The following RBFOX1 variants were observed in gnomAD, a reference collection of about 807,000 sequenced individuals.
The protein encoded by RBFOX1 is RNA binding protein fox-1 homolog 1.
A neutral mutation model predicts 57.7 loss-of-function variants in RBFOX1; 8 were observed. That is an observed-to-expected ratio of 0.14 (90% CI 0.08 to 0.25). The LOEUF (loss-of-function observed/expected upper bound fraction) is 0.25. Ranked by LOEUF, RBFOX1 falls within the 10% of genes least tolerant of loss-of-function variation. RBFOX1 has a pLI of 1.00. For missense variants in RBFOX1, 611 were observed against 548.5 expected (o/e 1.11, Z -1.14); for synonymous variants, 326 against 222.4 (o/e 1.47, Z -4.15).
intron 1 of RBFOX1, among the ~76,000 whole-genome samples, chr16:5,309,470 A>G (rs2064025072): frequency 6.6e-6 from 1 of 152,210 alleles, no homozygotes; most frequent in African/African-American, 2.4e-5. Flanking sequence ...ATGCCATGCC[A>G]TGCTTTTTAA....
chr16:7,224,599 G>A (rs1371729536), intron 4 of RBFOX1, among the ~76,000 whole-genome samples: 1 of 152,192 alleles, frequency 6.6e-6, no homozygotes, highest in Non-Finnish European at 1.5e-5. Context: ...AGTTGGGCGT[G>A]TAGTGGGGTG....
At chr16:6,016,587 C>T (rs939074920), upstream of RBFOX1, among the ~76,000 whole-genome samples, 1 of 152,160 alleles carries the variant, frequency 6.6e-6, no homozygotes, top group Non-Finnish European at 1.5e-5. Flanking sequence ...AAGCACAAGG[C>T]TACAAAGTCC....
intron 3 of RBFOX1, among the ~76,000 whole-genome samples, chr16:7,038,098 C>T (rs1438512717): frequency 6.6e-6 from 1 of 152,192 alleles, no homozygotes; most frequent in South Asian, 2.1e-4. Context: ...CCTCCACACT[C>T]TTTCCCACCT....
chr16:7,178,549 A>G (rs895855826), intron 4 of RBFOX1, among the ~76,000 whole-genome samples: 1 of 152,194 alleles, frequency 6.6e-6, no homozygotes, highest in Admixed American at 6.5e-5. Context: ...CAAAGAACCT[A>G]TCTGCATGGT....
At chr16:6,821,705 G>C (rs1025260642) in intron 3 of RBFOX1, among the ~76,000 whole-genome samples, 1 of 152,170 alleles carries the variant, frequency 6.6e-6, no homozygotes, top group Non-Finnish European at 1.5e-5. Context: ...ATGATAGCCT[G>C]TATCAGTGCT....
At chr16:6,093,898 A>C (rs1025099451) in intron 1 of RBFOX1, among the ~76,000 whole-genome samples, 3 of 151,970 alleles carry the variant, frequency 2.0e-5, no homozygotes, top group Non-Finnish European at 4.4e-5. Flanking sequence ...GAGATTACAG[A>C]CTGGAGCCCC....
At chr16:5,713,287 G>T (rs1460633032) in intron 3 of RBFOX1, among the ~76,000 whole-genome samples, 1 of 152,158 alleles carries the variant, frequency 6.6e-6, no homozygotes, top group African/African-American at 2.4e-5. Context: ...ACCTTTGAGC[G>T]ATGAGGGAGA....
intron 4 of RBFOX1, among the ~76,000 whole-genome samples, chr16:5,894,325 C>T (rs1438617661): frequency 6.6e-6 from 1 of 152,148 alleles, no homozygotes; most frequent in Non-Finnish European, 1.5e-5. Context: ...CTGTGTTGCC[C>T]AGGCTGGAGT....
At chr16:6,671,529 A>G (rs887718871) in intron 3 of RBFOX1, among the ~76,000 whole-genome samples, 1 of 152,152 alleles carries the variant, frequency 6.6e-6, no homozygotes, top group African/African-American at 2.4e-5. Context: ...GGAATTTAGG[A>G]CTGAGTTTGG....
chr16:7,163,253 G>A lies in RBFOX1; in HGVS notation c.27+111155G>A, dbSNP rs1329980509. On this transcript the variant is annotated intron_variant, in intron 4 of 15. Transcript: ENST00000550418. The stretch of plus-strand genomic sequence containing the variant: ...GCCAATTTCTTTTGACTATTACGTT[G>A]TTTGATTTGGACGAAGGGGCAGGGG... 2.0e-5 allele frequency among the ~76,000 whole-genome samples: 3 copies of A among 152,212 alleles called. No individual in the cohort carries two copies. The South Asian group carries it at 6.2e-4, about 32-fold the overall frequency.
intron 4 of RBFOX1, among the ~76,000 whole-genome samples, chr16:7,177,567 G>A (rs2081934347): frequency 6.6e-6 from 1 of 152,156 alleles, no homozygotes; most frequent in African/African-American, 2.4e-5. Flanking sequence ...ATTTTCAGGT[G>A]TGTTTTCACA....
rs186267823 is a variant in RBFOX1, at chr16:6,491,304, A to G, written c.-63-163299A>G. Among the ~76,000 whole-genome samples, 123 of 152,222 alleles carry G rather than the reference A, an allele frequency of 8.1e-4. No homozygotes were observed. In the Middle Eastern group the frequency reaches 0.017, roughly 21 times the overall value. ...ATTTTAATTCCATATCCAGAAGTAT[A>G]TGGAATACTTCCGCATCTTAAGGTG... On this transcript the variant is annotated intron_variant, in intron 2 of 15. Transcript: ENST00000550418.
At chr16:5,443,803 A>G (rs2151545864) in intron 1 of RBFOX1, among the ~76,000 whole-genome samples, 1 of 152,360 alleles carries the variant, frequency 6.6e-6, no homozygotes, top group Middle Eastern at 3.4e-3. Context: ...GAAAATATGA[A>G]CAGGACTATC....
intron 3 of RBFOX1, among the ~76,000 whole-genome samples, chr16:6,904,728 C>A (rs1421867265): frequency 6.6e-6 from 1 of 151,500 alleles, no homozygotes; most frequent in Non-Finnish European, 1.5e-5. Context: ...TCTCTACTCA[C>A]AGGGACCCTC....
intron 3 of RBFOX1, among the ~76,000 whole-genome samples, chr16:5,753,519 T>C (rs2053287705): frequency 6.6e-6 from 1 of 152,202 alleles, no homozygotes; most frequent in Non-Finnish European, 1.5e-5. Flanking sequence ...CTTCTGTTTC[T>C]AAGAGCTGTC....
intron 3 of RBFOX1, among the ~76,000 whole-genome samples, chr16:6,878,709 C>A (rs2062319181): frequency 6.6e-6 from 1 of 152,150 alleles, no homozygotes; most frequent in Non-Finnish European, 1.5e-5. Context: ...AACAGAAATT[C>A]AGCAAGGGCA....
chr16:7,063,963 G>C (rs562586139), intron 4 of RBFOX1, among the ~76,000 whole-genome samples: 1 of 152,120 alleles, frequency 6.6e-6, no homozygotes, highest in African/African-American at 2.4e-5. Context: ...TGACACCAAG[G>C]TCCATGGATA....
chr16:6,256,279 A>G (rs1250023561), intron 1 of RBFOX1, among the ~76,000 whole-genome samples: 3 of 128,274 alleles, frequency 2.3e-5, no homozygotes, highest in Non-Finnish European at 4.6e-5. Flanking sequence ...ATGTATATAT[A>G]TATGTGTGTA....
chr16:5,961,055 A>G (rs2059737784), intron 4 of RBFOX1, among the ~76,000 whole-genome samples: 2 of 152,190 alleles, frequency 1.3e-5, no homozygotes, highest in South Asian at 4.1e-4. Context: ...CCTGGAAAGG[A>G]GAAAGAAAGT....
Sources: allele counts gnomAD v4.1 joint callset (sites outside exome capture counted in the v4.1 genomes callset), GRCh38; gene constraint gnomAD v4.1.1; transcripts MANE v1.5; gene names NCBI Gene and HGNC (gene_info 2026-07-23, HGNC 2026-07-21).